Variants in MFNG observed in about 807,000 individuals in gnomAD.
MFNG encodes beta-1,3-N-acetylglucosaminyltransferase manic fringe.
Under a neutral mutation model 34.2 loss-of-function variants are expected in MFNG, and 24 were observed. The ratio of observed to expected loss-of-function variants is 0.70; its 90% confidence interval spans 0.51 to 0.99. The LOEUF (loss-of-function observed/expected upper bound fraction) is 0.99, where lower values mean the gene tolerates loss of function less well. Among genes scored for constraint, MFNG ranks in the 50% least tolerant of loss-of-function variants. The pLI is 0.00. For missense variants in MFNG, 383 were observed against 424.0 expected, an observed-to-expected ratio of 0.90 and a Z score of 0.85; for synonymous variants, 158 against 179.2, an observed-to-expected ratio of 0.88 and a Z score of 0.94.
intron 1 of MFNG, chr22:37,481,089 T>TCACACA (rs996201718): frequency 4.8e-5 from 18 of 371,996 alleles, no homozygotes; most frequent in African/African-American, 3.0e-4. Context: ...ACACACACAA[T>TCACACA]CACACACACA....
In MFNG at chr22:37,485,446, C is replaced by G. The variant is rs1354816504; in HGVS notation, c.255+477G>C. On this transcript the variant is annotated intron_variant, in intron 1 of 7. Coordinates refer to ENST00000356998, the MANE Select transcript of MFNG (RefSeq NM_002405.4). The surrounding 1 kb of genome is among the most constrained non-coding windows in gnomAD (Gnocchi z 5.3). Reference sequence around the variant, plus strand: ...CCCACCATTCTCCTCCCGTCCTCCACCCTCAGAGCCCGGGCAGGACAGCAC... The same window carrying G: ...CCCACCATTCTCCTCCCGTCCTCCAGCCTCAGAGCCCGGGCAGGACAGCAC... Among the ~76,000 whole-genome samples, 1 of 152,232 alleles carries G rather than the reference C, an allele frequency of 6.6e-6. No individual in the cohort carries two copies. The highest frequency in any genetic ancestry group is 6.5e-5 in the Admixed American group (1 of 15,288).
intron 5 of MFNG, among the ~76,000 whole-genome samples, chr22:37,476,687 A>G (rs537096402): frequency 6.6e-6 from 1 of 152,278 alleles, no homozygotes; most frequent in African/African-American, 2.4e-5. Context: ...CTTGCCTGTG[A>G]GTGGCACGTC....
intron 7 of MFNG, among the ~76,000 whole-genome samples, chr22:37,471,180 A>G (rs1022628269): frequency 2.6e-5 from 4 of 152,190 alleles, no homozygotes; most frequent in African/African-American, 9.7e-5. Context: ...GTGGGCCCAG[A>G]GTTCACCTCA....
intron 4 of MFNG, among the ~76,000 whole-genome samples, chr22:37,477,740 G>A (rs573482813): frequency 2.0e-5 from 3 of 152,116 alleles, no homozygotes; most frequent in South Asian, 2.1e-4. Context: ...ATGAGCCACC[G>A]CGCCCGGCCT....
chr22:37,485,410 C>G lies in MFNG; in HGVS notation c.255+513G>C, dbSNP rs1922499832. Among the ~76,000 whole-genome samples, 1 of 152,216 alleles carries G rather than the reference C, an allele frequency of 6.6e-6. No individual in the cohort carries two copies. The highest frequency in any genetic ancestry group is 2.1e-4 in the South Asian group (1 of 4,836). Reference sequence around the variant, plus strand: ...GGGAAGGCCGAAGGGATGCCTCCCCCAAGAACAGACCCCACCATTCTCCTC... The same window carrying G: ...GGGAAGGCCGAAGGGATGCCTCCCCGAAGAACAGACCCCACCATTCTCCTC... On this transcript the variant is annotated intron_variant, in intron 1 of 7. Coordinates refer to ENST00000356998, the MANE Select transcript of MFNG (RefSeq NM_002405.4). The surrounding 1 kb of genome is among the most constrained non-coding windows in gnomAD (Gnocchi z 5.3).
intron 7 of MFNG, among the ~76,000 whole-genome samples, chr22:37,471,296 C>G (rs578042734): frequency 3.2e-4 from 49 of 152,310 alleles, no homozygotes; most frequent in African/African-American, 1.0e-3. Context: ...CTACAAGGAG[C>G]AGAAATGCAA....
At position 37,469,790 on chromosome 22, in the gene MFNG, G is replaced by A. The variant is rs1369806209; in HGVS notation, c.*173C>T. 2 of 708,460 alleles carry A rather than the reference G, an allele frequency of 2.8e-6. No individual in the cohort carries two copies. The highest frequency in any genetic ancestry group is 5.3e-6 in the Non-Finnish European group (2 of 380,844). 43.9% of individuals were successfully genotyped at this position (708,460 alleles called of 1,614,324 possible). A position where few individuals can be genotyped will look rare whatever the true frequency, so the allele number is the denominator to read the frequency against. On this transcript the variant is annotated 3_prime_UTR_variant, in exon 8 of 8. Coordinates refer to ENST00000356998, the MANE Select transcript of MFNG (RefSeq NM_002405.4). ...GGGCTGTCTAACTCACCTCCCAGGGGCCTGGGGTGCCTTCAGTGCCAATTG... is the reference window on the plus strand; with the variant it reads ...GGGCTGTCTAACTCACCTCCCAGGGACCTGGGGTGCCTTCAGTGCCAATTG...
At chr22:37,470,541 G>A (rs914984447) in intron 7 of MFNG, among the ~76,000 whole-genome samples, 7 of 152,188 alleles carry the variant, frequency 4.6e-5, no homozygotes, top group Admixed American at 1.3e-4. Flanking sequence ...CACTGCTGAC[G>A]GGGAGCTCAT....
intron 7 of MFNG, among the ~76,000 whole-genome samples, chr22:37,471,118 C>A (rs944139955): frequency 6.6e-6 from 1 of 152,172 alleles, no homozygotes; most frequent in African/African-American, 2.4e-5. Context: ...CACACAGTGT[C>A]CCAGACTCCC....
At chr22:37,480,339 C>G (rs772256380) in intron 2 of MFNG, 40 bp from the exon 3 acceptor site, 1 of 1,527,230 alleles carries the variant, frequency 6.5e-7, no homozygotes, top group Admixed American at 1.7e-5. Context: ...CTGCCCAGGT[C>G]CCCCCTTCAG....
chr22:37,470,114 G>A lies in MFNG; in HGVS notation c.900-85C>T, dbSNP rs1921742652. ...CTCCTAGGTGCACACATGCCACAGAGGCGGTTTGGAGCAGGGTTTCTCTAC... is the reference window on the plus strand; with the variant it reads ...CTCCTAGGTGCACACATGCCACAGAAGCGGTTTGGAGCAGGGTTTCTCTAC... On this transcript the variant is annotated intron_variant, in intron 7 of 7. Coordinates refer to ENST00000356998, the MANE Select transcript of MFNG (RefSeq NM_002405.4). The A allele has an allele frequency of 6.5e-6, 7 of 1,074,332 alleles. No homozygotes were observed. The East Asian group carries it at 1.8e-4, about 28-fold the overall frequency. 66.5% of individuals were successfully genotyped at this position (1,074,332 alleles called of 1,614,324 possible). A position where few individuals can be genotyped will look rare whatever the true frequency, so the allele number is the denominator to read the frequency against.
Position 37,469,436 on chromosome 22 carries a change from G to C in MFNG, c.*527C>G, listed in dbSNP as rs1302481862. Reference sequence around the variant, plus strand: ...CTGTTCGCAAGGGGTGGGGAGCAAGGAGCTTTGGGAGACTGGTTGGCAACA... The same window carrying C: ...CTGTTCGCAAGGGGTGGGGAGCAAGCAGCTTTGGGAGACTGGTTGGCAACA... On this transcript the variant is annotated 3_prime_UTR_variant, in exon 8 of 8. Coordinates refer to ENST00000356998, the MANE Select transcript of MFNG (RefSeq NM_002405.4). 2 of 220,682 alleles carry C rather than the reference G, an allele frequency of 9.1e-6. No individual in the cohort carries two copies. The highest frequency in any genetic ancestry group is 1.9e-5 in the Non-Finnish European group (2 of 107,850). 13.7% of individuals were successfully genotyped at this position (220,682 alleles called of 1,614,324 possible).
Position 37,472,668 on chromosome 22 carries a change from G to A in MFNG, c.814-140C>T, listed in dbSNP as rs1921864791. The A allele has an allele frequency of 1.6e-5, 12 of 744,400 alleles. No homozygotes were observed. The South Asian group carries it at 2.2e-4, about 14-fold the overall frequency. 46.1% of individuals were successfully genotyped at this position (744,400 alleles called of 1,614,324 possible). ...ACCTGAAATTCCCCGCTGGTGGTGG[G>A]AGCCCACCCCACGCCCCAAGGCACT... On this transcript the variant is annotated intron_variant, in intron 6 of 7. Coordinates refer to ENST00000356998, the MANE Select transcript of MFNG (RefSeq NM_002405.4).
At chr22:37,480,646 G>C (rs1405035760) in intron 2 of MFNG, 75 bp downstream of exon 2, 2 of 1,433,672 alleles carry the variant, frequency 1.4e-6, no homozygotes, top group African/African-American at 1.4e-5. Context: ...GAACCCTCAG[G>C]CCAGGGCACA....
chr22:37,477,044 G>T, intron 4 of MFNG, 63 bp from the exon 5 acceptor site: 1 of 1,418,552 alleles, frequency 7.0e-7, no homozygotes, highest in Non-Finnish European at 1.0e-6. Flanking sequence ...AAAAGGGACA[G>T]CCAGGCCACC....
At chr22:37,479,678 T>C (rs1337235015) in intron 3 of MFNG, among the ~76,000 whole-genome samples, 180 bp from the exon 4 acceptor site, 1 of 152,150 alleles carries the variant, frequency 6.6e-6, no homozygotes, top group Non-Finnish European at 1.5e-5. Context: ...GGGTACCCAC[T>C]TCACAGTTGA....
chr22:37,475,562 GACAGGA>G (rs1922000738), intron 5 of MFNG, among the ~76,000 whole-genome samples: 1 of 152,132 alleles, frequency 6.6e-6, no homozygotes, highest in African/African-American at 2.4e-5. Flanking sequence ...GCTGAGGGGA[GACAGGA>G]ACAGAGTCCC....
At position 37,472,447 on chromosome 22, in the gene MFNG, A is replaced by AG. The variant is rs1435453951; in HGVS notation, c.894dup (p.Ser299LeufsTer72). 6.3e-7 allele frequency: 1 copy of AG among 1,580,644 alleles called. No individual in the cohort carries two copies. Among genetic ancestry groups the AG allele is most frequent in the Non-Finnish European group, 8.6e-7 (1 of 1,167,304 alleles). On this transcript the variant is annotated frameshift_variant, in exon 7 of 8. Transcript: ENST00000356998. LOFTEE classifies it high-confidence loss of function. Reference sequence around the variant, plus strand: ...GGTTCCAGCCCCCAGACCCACCTGGAGGGGTCCTCCTCCGGGGAGAAGGGG... The same window carrying AG: ...GGTTCCAGCCCCCAGACCCACCTGGAGGGGGTCCTCCTCCGGGGAGAAGGGG...
chr22:37,481,927 C>A (rs1922306482), intron 1 of MFNG, among the ~76,000 whole-genome samples: 1 of 152,234 alleles, frequency 6.6e-6, no homozygotes, highest in African/African-American at 2.4e-5. Flanking sequence ...TCAGAAGAGT[C>A]CCCGCCTTGA....
Sources: allele counts gnomAD v4.1 joint callset (sites outside exome capture counted in the v4.1 genomes callset), GRCh38; gene constraint gnomAD v4.1.1; non-coding constraint Gnocchi (gnomAD v3.1); transcripts MANE v1.5; gene names NCBI Gene and HGNC (gene_info 2026-07-23, HGNC 2026-07-21).